Variants in SCHIP1 observed in about 807,000 individuals in gnomAD.
SCHIP1 encodes schwannomin-interacting protein 1.
Under a neutral mutation model 29.7 loss-of-function variants are expected in SCHIP1, and 8 were observed. The ratio of observed to expected loss-of-function variants is 0.27; its 90% CI spans 0.16 to 0.49. SCHIP1 has a LOEUF of 0.49. SCHIP1 is among the 20% of genes least tolerant of loss of function. SCHIP1 has a pLI of 0.99. For missense variants in SCHIP1, 193 were observed against 294.6 expected (o/e 0.66, Z 2.52); for synonymous variants, 76 against 94.9 (o/e 0.80, Z 1.16).
At chr3:159,274,686 C>G in the SCHIP1 span, 1 of 819,436 alleles carries the variant, frequency 1.2e-6, no homozygotes, top group East Asian at 1.2e-4. Context: ...CAGAATGACC[C>G]CAACAGATAT....
the SCHIP1 span, among the ~76,000 whole-genome samples, chr3:159,626,285 T>TAGAC: frequency 4.1e-5 from 6 of 145,786 alleles, no homozygotes; most frequent in Admixed American, 4.1e-4. Context: ...GATAGATAGA[T>TAGAC]AGATAGATAG....
the SCHIP1 span, among the ~76,000 whole-genome samples, chr3:159,723,035 C>T: frequency 6.6e-6 from 1 of 152,298 alleles, no homozygotes; most frequent in Non-Finnish European, 1.5e-5. Flanking sequence ...CCCATGTGTG[C>T]TCAGTGCTTC....
chr3:159,706,051 A>G, the SCHIP1 span, among the ~76,000 whole-genome samples: 1 of 152,138 alleles, frequency 6.6e-6, no homozygotes, highest in African/African-American at 2.4e-5. Context: ...TGTAGGAGCT[A>G]TGTAGGAGCT....
chr3:159,778,148 C>T, the SCHIP1 span, among the ~76,000 whole-genome samples: 4 of 152,128 alleles, frequency 2.6e-5, no homozygotes, highest in Non-Finnish European at 4.4e-5. Context: ...CGCCTGCCAG[C>T]ACGCCCAGCT....
chr3:159,432,197 G>A, the SCHIP1 span, among the ~76,000 whole-genome samples: 1 of 151,860 alleles, frequency 6.6e-6, no homozygotes, highest in African/African-American at 2.4e-5. Context: ...GGTTGTTGGC[G>A]GGAGGCCTTA....
chr3:159,386,875 G>A, the SCHIP1 span: 115 of 155,050 alleles, frequency 7.4e-4, no homozygotes, highest in Admixed American at 2.3e-3. Context: ...CAGAGGTCAG[G>A]CATCAGATAG....
the SCHIP1 span, among the ~76,000 whole-genome samples, chr3:159,738,153 A>C: frequency 2.0e-5 from 3 of 152,266 alleles, no homozygotes; most frequent in Non-Finnish European, 4.4e-5. Context: ...TGCATGTTTT[A>C]ACATGATTGA....
At chr3:159,670,096 G>T in the SCHIP1 span, among the ~76,000 whole-genome samples, 1 of 152,328 alleles carries the variant, frequency 6.6e-6, no homozygotes, top group African/African-American at 2.4e-5. Flanking sequence ...ATCTGTTGTA[G>T]GGAACATTTG....
At chr3:159,636,532 A>G in the SCHIP1 span, among the ~76,000 whole-genome samples, 1 of 152,210 alleles carries the variant, frequency 6.6e-6, no homozygotes, top group Non-Finnish European at 1.5e-5. Context: ...TTATCAAGCT[A>G]TAAGGATAAG....
the SCHIP1 span, chr3:159,273,697 G>T: frequency 6.7e-7 from 1 of 1,496,574 alleles, no homozygotes; most frequent in Non-Finnish European, 8.9e-7. Context: ...TTTAGTGTGT[G>T]TTATAGAAAT....
At chr3:159,716,505 C>G in the SCHIP1 span, among the ~76,000 whole-genome samples, 1 of 152,090 alleles carries the variant, frequency 6.6e-6, no homozygotes, top group Middle Eastern at 3.2e-3. Flanking sequence ...TCAGGAGACC[C>G]CTCTCATGTG....
chr3:159,508,961 A>T, the SCHIP1 span, among the ~76,000 whole-genome samples: 1 of 152,142 alleles, frequency 6.6e-6, no homozygotes, highest in African/African-American at 2.4e-5. Flanking sequence ...TGGGGTGGAG[A>T]GTTCTGTAGA....
At chr3:159,558,537 C>T in the SCHIP1 span, among the ~76,000 whole-genome samples, 3 of 151,914 alleles carry the variant, frequency 2.0e-5, no homozygotes, top group Non-Finnish European at 4.4e-5. Context: ...AAGAAGAATT[C>T]GAGGATTACG....
the SCHIP1 span, among the ~76,000 whole-genome samples, chr3:159,408,496 C>T: frequency 1.1e-4 from 17 of 151,710 alleles, no homozygotes; most frequent in Non-Finnish European, 1.0e-4. Context: ...GACATTACAA[C>T]TGATACTACA....
chr3:159,855,403 A>G (rs946185686), intron 1 of SCHIP1, among the ~76,000 whole-genome samples: 1 of 152,136 alleles, frequency 6.6e-6, no homozygotes, highest in African/African-American at 2.4e-5. Context: ...TTCCTTTTCT[A>G]ATTTTTTCGC....
chr3:159,453,286 T>C, the SCHIP1 span, among the ~76,000 whole-genome samples: 1 of 152,230 alleles, frequency 6.6e-6, no homozygotes, highest in Admixed American at 6.5e-5. Flanking sequence ...TTTTCTCATC[T>C]GAAAACTGCC....
At chr3:159,713,814 G>A in the SCHIP1 span, among the ~76,000 whole-genome samples, 2 of 152,212 alleles carry the variant, frequency 1.3e-5, no homozygotes, top group African/African-American at 2.4e-5. Context: ...TATTCAGCTG[G>A]GAACAAAGGG....
the SCHIP1 span, among the ~76,000 whole-genome samples, chr3:159,711,942 T>TTGC: frequency 0.054 from 8,211 of 151,384 alleles, 239 homozygotes; most frequent in Middle Eastern, 0.16. Context: ...TAGGAAGATA[T>TTGC]TGCTGCTGCT....
At chr3:159,698,428 C>G in the SCHIP1 span, among the ~76,000 whole-genome samples, 4 of 152,126 alleles carry the variant, frequency 2.6e-5, no homozygotes, top group African/African-American at 9.7e-5. Context: ...GGCATGTAGT[C>G]CATCATTTGT....
Sources: allele counts gnomAD v4.1 joint callset (sites outside exome capture counted in the v4.1 genomes callset), GRCh38; gene constraint gnomAD v4.1.1; transcripts MANE v1.5; gene names NCBI Gene and HGNC (gene_info 2026-07-23, HGNC 2026-07-21).